ATP9B: variants seen among roughly 807,000 people sequenced by gnomAD.
ATP9B encodes ATPase phospholipid transporting 9B, also known as probable phospholipid-transporting ATPase IIB.
Under a neutral mutation model 146.1 loss-of-function variants are expected in ATP9B, and 110 were observed. The observed-to-expected ratio is 0.75, with a 90% CI of 0.65 to 0.88. The LOEUF is 0.88. Among genes scored for constraint, ATP9B ranks in the 40% least tolerant of loss-of-function variants. The probability of loss-of-function intolerance (pLI) is 0.00; values close to 1 mark genes in which losing one functional copy is unlikely to be tolerated. For synonymous variants in ATP9B, 604 were observed against 569.7 expected (o/e 1.06, Z -0.86); for missense variants, 1,499 against 1,496.4 (o/e 1.00, Z -0.03).
At position 79,206,939 on chromosome 18, in the gene ATP9B, A is replaced by C; in HGVS notation, c.957A>C (p.Glu319Asp). ...TTTCTTTTTGTCTCCCTGCACAGGAAGACAGTGACCCGCCCATTCATGAAA... is the reference window on the plus strand; with the variant it reads ...TTTCTTTTTGTCTCCCTGCACAGGACGACAGTGACCCGCCCATTCATGAAA... ...IHSFEGTFTR[E>D]DSDPPIHESL... is the part of the protein sequence containing the mutation. The change falls in exon 10 of 30, where the codon GAA (glutamate) becomes GAC (aspartate). Residue 319 changes from glutamate (E) to aspartate (D), a missense_variant and splice_region_variant. Coordinates refer to ENST00000426216, the MANE Select transcript of ATP9B (RefSeq NM_198531.5). 6.2e-7 allele frequency: 1 copy of C among 1,613,972 alleles called. No homozygotes were observed. The highest frequency in any genetic ancestry group is 1.1e-5 in the South Asian group (1 of 91,078).
chr18:79,197,074 A>G (rs756576121), intron 9 of ATP9B, among the ~76,000 whole-genome samples: 5 of 152,220 alleles, frequency 3.3e-5, no homozygotes, highest in Non-Finnish European at 7.3e-5. Context: ...TTGAACATAC[A>G]TTTGCTTGTA....
At chr18:79,308,017 A>T (rs1300223234) in intron 15 of ATP9B, among the ~76,000 whole-genome samples, 1 of 152,148 alleles carries the variant, frequency 6.6e-6, no homozygotes, top group Non-Finnish European at 1.5e-5. Context: ...AAAAAGAAAA[A>T]AATCAGATCT....
chr18:79,355,491 AATAGAAGGG>A (rs2096946118), intron 25 of ATP9B, among the ~76,000 whole-genome samples: 3 of 152,222 alleles, frequency 2.0e-5, no homozygotes, highest in Non-Finnish European at 4.4e-5. Context: ...TCAGCAGCAA[AATAGAAGGG>A]ACAGAGGGAG....
At chr18:79,175,144 T>A (rs899401426) in intron 7 of ATP9B, among the ~76,000 whole-genome samples, 13 of 144,578 alleles carry the variant, frequency 9.0e-5, no homozygotes, top group African/African-American at 3.4e-4. Flanking sequence ...GAGGTTGCAG[T>A]GAGCCGCGAT....
chr18:79,369,873 C>T (rs1051822676), intron 26 of ATP9B, among the ~76,000 whole-genome samples: 1 of 152,188 alleles, frequency 6.6e-6, no homozygotes, highest in African/African-American at 2.4e-5. Context: ...CCGAAGCAGA[C>T]AGATCACCTG....
intron 2 of ATP9B, among the ~76,000 whole-genome samples, chr18:79,097,991 C>T (rs1422366517): frequency 6.6e-6 from 1 of 152,074 alleles, no homozygotes; most frequent in African/African-American, 2.4e-5. Flanking sequence ...ACAGTCCCAC[C>T]AACAAGGCTA....
chr18:79,124,458 G>T (rs1341766461), intron 4 of ATP9B, among the ~76,000 whole-genome samples: 5 of 152,262 alleles, frequency 3.3e-5, no homozygotes, highest in Non-Finnish European at 7.3e-5. Flanking sequence ...CAAATACATG[G>T]CACATGCCGT....
intron 15 of ATP9B, among the ~76,000 whole-genome samples, chr18:79,324,033 G>T (rs1176640180): frequency 6.6e-6 from 1 of 152,170 alleles, no homozygotes; most frequent in Non-Finnish European, 1.5e-5. Flanking sequence ...TTATTTGCAT[G>T]TCTGATGATT....
At chr18:79,223,286 T>C (rs1044956610) in intron 11 of ATP9B, among the ~76,000 whole-genome samples, 3 of 152,106 alleles carry the variant, frequency 2.0e-5, no homozygotes, top group Non-Finnish European at 2.9e-5. Context: ...AATTTATTAA[T>C]ATTTTAAAAG....
chr18:79,118,457 G>C (rs1212815479), intron 4 of ATP9B, among the ~76,000 whole-genome samples: 3 of 133,130 alleles, frequency 2.3e-5, no homozygotes, highest in Non-Finnish European at 4.6e-5. Flanking sequence ...CTGGAGTGCA[G>C]TGGCGCGATC....
chr18:79,261,139 T>G (rs2096136555), intron 12 of ATP9B, among the ~76,000 whole-genome samples: 1 of 152,132 alleles, frequency 6.6e-6, no homozygotes, highest in South Asian at 2.1e-4. Flanking sequence ...GGACTTAATG[T>G]TGATGCTATA....
At chr18:79,129,396 T>C (rs2094340150) in intron 5 of ATP9B, among the ~76,000 whole-genome samples, 1 of 152,130 alleles carries the variant, frequency 6.6e-6, no homozygotes, top group South Asian at 2.1e-4. Flanking sequence ...AAGGGAAGGA[T>C]GCAGCACAGT....
intron 15 of ATP9B, among the ~76,000 whole-genome samples, chr18:79,311,464 T>C (rs2096652045): frequency 6.6e-6 from 1 of 152,184 alleles, no homozygotes; most frequent in South Asian, 2.1e-4. Flanking sequence ...AAAGCCTAAA[T>C]GTGCCAGCAG....
At chr18:79,241,063 C>T (rs1402888964) in intron 11 of ATP9B, among the ~76,000 whole-genome samples, 2 of 152,144 alleles carry the variant, frequency 1.3e-5, no homozygotes, top group South Asian at 2.1e-4. Flanking sequence ...TTGTAAGCTG[C>T]TTGTGGTCAT....
At chr18:79,343,387 T>C (rs1391000742) in intron 20 of ATP9B, among the ~76,000 whole-genome samples, 2 of 152,230 alleles carry the variant, frequency 1.3e-5, no homozygotes, top group East Asian at 3.8e-4. Context: ...ATATCATTTC[T>C]TTTATGCTCC....
chr18:79,153,068 C>T (rs1455773595), intron 6 of ATP9B, among the ~76,000 whole-genome samples: 1 of 151,872 alleles, frequency 6.6e-6, no homozygotes, highest in Non-Finnish European at 1.5e-5. Context: ...GTTTTTTTCC[C>T]CTAGTGTTAG....
At chr18:79,321,883 G>A (rs999393836) in intron 15 of ATP9B, among the ~76,000 whole-genome samples, 2 of 152,134 alleles carry the variant, frequency 1.3e-5, no homozygotes, top group African/African-American at 4.8e-5. Flanking sequence ...GGGTGTTCAC[G>A]GAAAGATGCA....
intron 4 of ATP9B, among the ~76,000 whole-genome samples, chr18:79,114,798 G>A (rs2147038060): frequency 6.6e-6 from 1 of 152,244 alleles, no homozygotes; most frequent in Non-Finnish European, 1.5e-5. Context: ...CCCCATTAGT[G>A]TGCATAGTGT....
chr18:79,118,563 G>C (rs2094134379), intron 4 of ATP9B, among the ~76,000 whole-genome samples: 1 of 151,522 alleles, frequency 6.6e-6, no homozygotes, highest in Admixed American at 6.6e-5. Context: ...ACCATGCCCT[G>C]CTAATTTTTT....
Sources: allele counts gnomAD v4.1 joint callset (sites outside exome capture counted in the v4.1 genomes callset), GRCh38; gene constraint gnomAD v4.1.1; transcripts MANE v1.5; gene names NCBI Gene and HGNC (gene_info 2026-07-23, HGNC 2026-07-21).